The following RPS6KA1 variants were observed in gnomAD, a reference collection of about 807,000 sequenced individuals.
RPS6KA1 encodes ribosomal protein S6 kinase A1.
In RPS6KA1, 48 loss-of-function variants were observed where a neutral mutation model predicts 91.3. The observed-to-expected ratio is 0.53, with a 90% CI of 0.42 to 0.67. RPS6KA1 has a LOEUF of 0.67. Among genes scored for constraint, RPS6KA1 ranks in the 30% least tolerant of loss-of-function variants. The pLI, the probability that RPS6KA1 is intolerant of heterozygous loss-of-function variation, is 0.00. For synonymous variants in RPS6KA1, 359 were observed against 384.7 expected (o/e 0.93, Z 0.78); for missense variants, 719 against 960.5 (o/e 0.75, Z 3.32).
At chr1:26,568,641 T>G (rs189497292) in intron 17 of RPS6KA1, among the ~76,000 whole-genome samples, 80 of 152,206 alleles carry the variant, frequency 5.3e-4, no homozygotes, top group African/African-American at 1.8e-3. Flanking sequence ...TACCAGCTCC[T>G]TGGGAGGCTG....
chr1:26,546,815 C>G (rs2075998572), intron 2 of RPS6KA1, 52 bp from the exon 3 acceptor site: 3 of 1,462,190 alleles, frequency 2.1e-6, no homozygotes, highest in Non-Finnish European at 1.9e-6. Flanking sequence ...AGGGGAGCCT[C>G]CTGCTGCCTG....
At chr1:26,567,644 G>T (rs1056552133) in intron 17 of RPS6KA1, among the ~76,000 whole-genome samples, 5 of 152,260 alleles carry the variant, frequency 3.3e-5, no homozygotes, top group Non-Finnish European at 7.4e-5. Flanking sequence ...CTTCCAAAGT[G>T]CTGGGATTAC....
At position 26,561,562 on chromosome 1, in the gene RPS6KA1, C is replaced by T. The variant is rs2076154624; in HGVS notation, c.1489C>T (p.Leu497=). ...GACAGAGCTGATGCGGGGTGGGGAG[C>T]TGCTGGACAAGATCCTGCGGCAGAA... is the stretch of plus-strand genomic sequence containing the variant. ...LVTELMRGGE[L]LDKILRQKFF... The change falls in exon 17 of 22, where the codon CTG becomes TTG. Residue 497 remains leucine, a synonymous_variant. Transcript: ENST00000374168. This position sits in a 1 kb window ranked among gnomAD's most constrained non-coding sequence, Gnocchi z 5.7. The T allele has an allele frequency of 6.2e-7, 1 of 1,614,044 alleles. No homozygotes were observed. Among genetic ancestry groups the T allele is most frequent in the Non-Finnish European group, 8.5e-7 (1 of 1,180,034 alleles).
In RPS6KA1 at chr1:26,558,815, G is replaced by A. The variant is rs1372143465; in HGVS notation, c.1093G>A (p.Gly365Ser). 6.2e-7 allele frequency: 1 copy of A among 1,608,446 alleles called. No homozygotes were observed. The highest frequency in any genetic ancestry group is 1.1e-5 in the South Asian group (1 of 90,868). Residue 365 changes from glycine (G) to serine (S), a missense_variant, in exon 14 of 22, where the codon GGC becomes AGC. This residue lies in a region of RPS6KA1 where 228 missense variants were observed against 247.6 expected (regional missense o/e 0.92). Transcript: ENST00000374168. The surrounding 1 kb of genome is among the most constrained non-coding windows in gnomAD (Gnocchi z 4.0). ...TCCTTCCATCCGTACAGATTCCCCA[G>A]GCATCCCCCCCAGCGCTGGGGCCCA... ...FTSRTPKDSP[G>S]IPPSAGAHQL...
intron 17 of RPS6KA1, among the ~76,000 whole-genome samples, chr1:26,563,207 C>G: frequency 6.6e-6 from 1 of 151,924 alleles, no homozygotes; most frequent in Non-Finnish European, 1.5e-5. Flanking sequence ...AAGTTCCACA[C>G]ATTTCATTCA....
chr1:26,543,348 C>G lies in RPS6KA1; in HGVS notation c.109-3519C>G. On this transcript the variant is annotated intron_variant, in intron 2 of 21. Transcript: ENST00000374168. Reference sequence around the variant, plus strand: ...CCTGTCTCTGTCCCCAGGGAGTGCTCTCAGTCAGAGGCAGACAGGTGAGGT... The same window carrying G: ...CCTGTCTCTGTCCCCAGGGAGTGCTGTCAGTCAGAGGCAGACAGGTGAGGT... 3 of 734,010 alleles carry G rather than the reference C, an allele frequency of 4.1e-6. No individual in the cohort carries two copies. The South Asian group carries it at 4.7e-5, about 12-fold the overall frequency. 45.5% of individuals were successfully genotyped at this position (734,010 alleles called of 1,614,324 possible).
intron 6 of RPS6KA1, chr1:26,552,853 A>G (rs1342241273): frequency 2.4e-6 from 1 of 421,552 alleles, no homozygotes; most frequent in South Asian, 1.7e-5. Context: ...ATATTCATGA[A>G]GAAGTCTTCC....
At chr1:26,549,590 A>C (rs1025023306) in intron 4 of RPS6KA1, among the ~76,000 whole-genome samples, 8 of 152,022 alleles carry the variant, frequency 5.3e-5, no homozygotes, top group Admixed American at 5.2e-4. Flanking sequence ...GTCAAAGGAC[A>C]CATGAGAGGT....
rs746409670 is a variant in RPS6KA1, at chr1:26,574,041, C to A, written c.2086-38C>A. ...CATGGATCCCCTCCCCGCTACATCT[C>A]CCACCATTGTGACCTGACCTCCCCA... On this transcript the variant is annotated intron_variant, in intron 21 of 21. Coordinates refer to ENST00000374168, the MANE Select transcript of RPS6KA1 (RefSeq NM_002953.4). The surrounding 1 kb of genome is among the most constrained non-coding windows in gnomAD (Gnocchi z 4.3). 8.1e-6 allele frequency: 13 copies of A among 1,601,746 alleles called. No homozygotes were observed. In the South Asian group the frequency reaches 1.2e-4, roughly 15 times the overall value.
At chr1:26,568,563 A>T (rs2076223585) in intron 17 of RPS6KA1, among the ~76,000 whole-genome samples, 1 of 151,806 alleles carries the variant, frequency 6.6e-6, no homozygotes, top group Admixed American at 6.6e-5. Flanking sequence ...AGCCTGGCCA[A>T]CATGATGAAA....
In RPS6KA1 at chr1:26,571,381, C is replaced by G. The variant is rs2076247280; in HGVS notation, c.1591-68C>G. 2 of 1,502,224 alleles carry G rather than the reference C, an allele frequency of 1.3e-6. No individual in the cohort carries two copies. The highest frequency in any genetic ancestry group is 1.9e-4 in the Middle Eastern group (1 of 5,196). The allele number at this position is 1,502,224 out of a possible 1,614,324, so 93.1% of individuals were successfully genotyped here. A position where few individuals can be genotyped will look rare whatever the true frequency, so the allele number is the denominator to read the frequency against. The stretch of plus-strand genomic sequence containing the variant: ...CCCTGTCTGTGTAGCTTTCTAATCT[C>G]TGGCCGCTGACCTGGGCCACTAGCC... On this transcript the variant is annotated intron_variant, in intron 17 of 21. Coordinates refer to ENST00000374168, the MANE Select transcript of RPS6KA1 (RefSeq NM_002953.4). The surrounding 1 kb of genome is among the most constrained non-coding windows in gnomAD (Gnocchi z 5.1).
chr1:26,532,039 A>G (rs1316944640), intron 1 of RPS6KA1, among the ~76,000 whole-genome samples: 2 of 152,136 alleles, frequency 1.3e-5, no homozygotes, highest in Non-Finnish European at 2.9e-5. Flanking sequence ...GCCAGGAAGG[A>G]GGCAGGTGAG....
Position 26,561,366 on chromosome 1 carries a change from G to T in RPS6KA1, c.1432-139G>T. 1 of 1,126,188 alleles carries T rather than the reference G, an allele frequency of 8.9e-7. No individual in the cohort carries two copies. The highest frequency in any genetic ancestry group is 1.3e-6 in the Non-Finnish European group (1 of 770,100). The allele number at this position is 1,126,188 out of a possible 1,614,324, so 69.8% of individuals were successfully genotyped here. Reference sequence around the variant, plus strand: ...AGACCAGTGTCAGCATCCTCCTTTTGGGGAAGGCAGGACCACTGAAGAGCA... The same window carrying T: ...AGACCAGTGTCAGCATCCTCCTTTTTGGGAAGGCAGGACCACTGAAGAGCA... On this transcript the variant is annotated intron_variant, in intron 16 of 21. Transcript: ENST00000374168. This position sits in a 1 kb window ranked among gnomAD's most constrained non-coding sequence, Gnocchi z 5.7.
intron 21 of RPS6KA1, 66 bp downstream of exon 21, chr1:26,573,427 G>A (rs559996196): frequency 1.9e-6 from 3 of 1,584,408 alleles, no homozygotes; most frequent in Non-Finnish European, 2.6e-6. Flanking sequence ...TCAGGGACTT[G>A]TGGAAGAGCC....
At chr1:26,545,532 C>T (rs186326181) in intron 2 of RPS6KA1, among the ~76,000 whole-genome samples, 4 of 152,268 alleles carry the variant, frequency 2.6e-5, no homozygotes, top group Non-Finnish European at 5.9e-5. Context: ...CTTCGTCTGC[C>T]TCCACATATC....
intron 1 of RPS6KA1, chr1:26,530,672 A>T: frequency 9.0e-7 from 1 of 1,114,664 alleles, no homozygotes; most frequent in Non-Finnish European, 1.2e-6. Context: ...TCCGGTAGGA[A>T]GGGCTGGGCC....
rs760064215 is a variant in RPS6KA1, at chr1:26,573,299, G to A, written c.2023G>A (p.Val675Ile). 2 of 1,614,094 alleles carry A rather than the reference G, an allele frequency of 1.2e-6. No homozygotes were observed. The highest frequency in any genetic ancestry group is 1.3e-5 in the African/African-American group (1 of 74,930). ...TAKQVLQHPWVTQKDKLPQSQ... is the reference protein window; with the variant it reads ...TAKQVLQHPWITQKDKLPQSQ... ...TAAGCAGGTTCTGCAGCATCCATGG[G>A]TCACCCAGAAAGACAAGCTTCCCCA... The change falls in exon 21 of 22, where the codon GTC (valine) becomes ATC (isoleucine). Residue 675 changes from valine (V) to isoleucine (I), a missense_variant. Physicochemically the swap from Val to Ile is conservative, Grantham distance 29. Around this residue, in one of 5 missense-constraint regions of RPS6KA1, gnomAD observed 249 missense variants for 323.1 expected, o/e 0.77. Transcript: ENST00000374168.
At chr1:26,543,692 G>C (rs914452405) in intron 2 of RPS6KA1, among the ~76,000 whole-genome samples, 1 of 152,150 alleles carries the variant, frequency 6.6e-6, no homozygotes, top group Non-Finnish European at 1.5e-5. Flanking sequence ...CGTGGCTCTG[G>C]CTGATTGACC....
chr1:26,555,193 C>G lies in RPS6KA1; in HGVS notation c.799C>G (p.Arg267Gly), dbSNP rs767866622. Residue 267 changes from arginine (R) to glycine (G), a missense_variant, in exon 10 of 22, where the codon CGG becomes GGG. Transcript: ENST00000374168. This position sits in a 1 kb window ranked among gnomAD's most constrained non-coding sequence, Gnocchi z 4.3. ...CTCCCTGCCCTTCCAGGGGAAGGAC[C>G]GGAAGGAGACCATGACACTGATTCT... ...TGSLPFQGKDRKETMTLILKA... is the reference protein window; with the variant it reads ...TGSLPFQGKDGKETMTLILKA... The G allele has an allele frequency of 3.1e-6, 5 of 1,613,970 alleles. No homozygotes were observed. The highest frequency in any genetic ancestry group is 4.2e-6 in the Non-Finnish European group (5 of 1,180,006).
Sources: allele counts gnomAD v4.1 joint callset (sites outside exome capture counted in the v4.1 genomes callset), GRCh38; gene constraint gnomAD v4.1.1; regional missense constraint gnomAD v4.1.1; non-coding constraint Gnocchi (gnomAD v3.1); transcripts MANE v1.5; gene names NCBI Gene and HGNC (gene_info 2026-07-23, HGNC 2026-07-21).